Variants in GGT5 observed in about 807,000 individuals in gnomAD.
The protein encoded by GGT5 is glutathione hydrolase 5 proenzyme.
Under a neutral mutation model 58.1 loss-of-function variants are expected in GGT5, and 50 were observed. The ratio of observed to expected loss-of-function variants is 0.86; its 90% CI spans 0.69 to 1.09. The LOEUF is 1.09. Ranked by LOEUF, GGT5 falls within the 50% of genes least tolerant of loss-of-function variation. The pLI is 0.00. For synonymous variants in GGT5, 370 were observed against 346.1 expected, an observed-to-expected ratio of 1.07 and a Z score of -0.77; for missense variants, 800 against 789.4, an observed-to-expected ratio of 1.01 and a Z score of -0.16.
At chr22:24,240,602 G>A (rs1182701201) in intron 1 of GGT5, among the ~76,000 whole-genome samples, 2 of 151,350 alleles carry the variant, frequency 1.3e-5, no homozygotes, top group Middle Eastern at 3.4e-3. Context: ...GATTCTCCCC[G>A]CTCAGCCTCC....
Position 24,231,440 on chromosome 22 carries a change from G to A in GGT5, c.845C>T (p.Ser282Leu). 3.2e-6 allele frequency: 5 copies of A among 1,562,536 alleles called. No individual in the cohort carries two copies. In the South Asian group the frequency reaches 4.7e-5, roughly 15 times the overall value. ...GGCACCCCCTGCAGGCGGCGGTGGT[G>A]AGTACAGGGTATAGTCCCCCAGGGG... ...EVPLGDYTLYSPPPPAGGAIL... is the reference protein window; with the variant it reads ...EVPLGDYTLYLPPPPAGGAIL... The change falls in exon 6 of 12, where the codon TCA (serine) becomes TTA (leucine). Residue 282 changes from serine to leucine, a missense_variant. Transcript: ENST00000327365.
Position 24,233,983 on chromosome 22 carries a change from G to T in GGT5, c.195C>A (p.Gly65=), listed in dbSNP as rs1257775947. Reference sequence around the variant, plus strand: ...CCGCGATGGTGGCATCCACGGGTGAGCCCTGCTGCTGGAGGATGGCTCTAG... The same window carrying T: ...CCGCGATGGTGGCATCCACGGGTGATCCCTGCTGCTGGAGGATGGCTCTAG... The part of the protein sequence containing the change: ...DIGRAILQQQ[G]SPVDATIAAL... Residue 65 remains glycine (G), a synonymous_variant, in exon 2 of 12, where the codon GGC becomes GGA. Transcript: ENST00000327365. The T allele has an allele frequency of 6.2e-7, 1 of 1,612,124 alleles. No individual in the cohort carries two copies. The highest frequency in any genetic ancestry group is 8.5e-7 in the Non-Finnish European group (1 of 1,179,372).
intron 1 of GGT5, among the ~76,000 whole-genome samples, chr22:24,238,823 ATATATATATT>A (rs1225113573): frequency 3.6e-4 from 6 of 16,652 alleles, no homozygotes; most frequent in Non-Finnish European, 4.6e-4. Flanking sequence ...TTATATATAT[ATATATATATT>A]TATATATATA....
chr22:24,229,336 G>A (rs1339512207), intron 6 of GGT5, among the ~76,000 whole-genome samples: 3 of 152,062 alleles, frequency 2.0e-5, no homozygotes, highest in African/African-American at 7.2e-5. Context: ...GAACCCAGGA[G>A]GCAGAGTTTG....
At chr22:24,223,614 G>T (rs1261960383) in intron 11 of GGT5, among the ~76,000 whole-genome samples, 1 of 152,012 alleles carries the variant, frequency 6.6e-6, no homozygotes, top group African/African-American at 2.4e-5. Flanking sequence ...GAAAACTAAG[G>T]CTCTTGGGAC....
At chr22:24,230,836 A>G (rs958264171) in intron 6 of GGT5, among the ~76,000 whole-genome samples, 4 of 152,120 alleles carry the variant, frequency 2.6e-5, no homozygotes, top group African/African-American at 9.7e-5. Flanking sequence ...TGGAGCCCCC[A>G]ATGGAATGCA....
intron 4 of GGT5, 79 bp from the exon 5 acceptor site, chr22:24,232,287 T>G: frequency 1.3e-6 from 1 of 790,104 alleles, no homozygotes; most frequent in Non-Finnish European, 1.9e-6. Context: ...ATGGGTGGAG[T>G]CCTCAGGACC....
chr22:24,226,902 C>G, intron 6 of GGT5, 135 bp from the exon 7 acceptor site: 1 of 578,416 alleles, frequency 1.7e-6, no homozygotes. Context: ...TTATACAGCA[C>G]AAGAGTGACT....
Position 24,225,552 on chromosome 22 carries a change from A to AG in GGT5, c.1329dup (p.Ser444LeufsTer69). ...TGGGAAGCTTTGTTCTCACCAGGTG[A>AG]GGGGGTGGTGCCGGAACCCCGGGGG... On this transcript the variant is annotated frameshift_variant, in exon 9 of 12. Transcript: ENST00000327365. LOFTEE classifies it high-confidence loss of function. The AG allele has an allele frequency of 6.2e-7, 1 of 1,607,994 alleles. No individual in the cohort carries two copies. Among genetic ancestry groups the AG allele is most frequent in the Non-Finnish European group, 8.5e-7 (1 of 1,174,508 alleles).
intron 2 of GGT5, 92 bp downstream of exon 2, chr22:24,233,782 C>T (rs990288327): frequency 2.8e-5 from 37 of 1,298,710 alleles, no homozygotes; most frequent in Admixed American, 1.4e-4. Context: ...CACCCAGAAA[C>T]GGGCTTGAGT....
rs199786821 is a variant in GGT5 at position 24,233,911 on chromosome 22, G to C, written c.267C>G (p.Gly89=). The change falls in exon 2 of 12, where the codon GGC becomes GGG. Residue 89 remains glycine (G), a synonymous_variant. Coordinates refer to ENST00000327365, the MANE Select transcript of GGT5 (RefSeq NM_004121.5). The part of the protein sequence containing the change: ...SVVNPQSMGL[G]GGVIFTIYNV... ...TGTAGATGGTGAAGATGACCCCTCC[G>C]CCCAGGCCCATGCTCTGAGGGTTGA... The C allele has an allele frequency of 1.2e-6, 2 of 1,613,350 alleles. No individual in the cohort carries two copies. The highest frequency in any genetic ancestry group is 2.2e-5 in the East Asian group (1 of 44,864).
At chr22:24,237,824 A>G (rs764661634) in intron 1 of GGT5, among the ~76,000 whole-genome samples, 1 of 152,260 alleles carries the variant, frequency 6.6e-6, no homozygotes, top group East Asian at 1.9e-4. Context: ...AAAAAGGTCC[A>G]TAGGATCTCC....
Position 24,225,044 on chromosome 22 carries a change from C to G in GGT5, c.1566G>C (p.Leu522=). Residue 522 remains leucine, a synonymous_variant, in exon 11 of 12, where the codon CTG becomes CTC. Transcript: ENST00000327365. The part of the protein sequence containing the change: ...DLRAAIAAPI[L]HVNSKGCVEY... ...CCACACAGCCCTTGCTGTTGACATG[C>G]AGGATGGGGGCTGCAATGGCCGCTC... 6.2e-7 allele frequency: 1 copy of G among 1,602,086 alleles called. No homozygotes were observed. The highest frequency in any genetic ancestry group is 8.5e-7 in the Non-Finnish European group (1 of 1,174,298).
intron 1 of GGT5, among the ~76,000 whole-genome samples, chr22:24,239,505 T>G (rs1369908827): frequency 2.0e-5 from 3 of 152,110 alleles, no homozygotes; most frequent in Non-Finnish European, 4.4e-5. Context: ...ACTGAAATAA[T>G]GTAGGGTAGA....
Position 24,232,876 on chromosome 22 carries a change from G to C in GGT5, c.543C>G (p.Ser181Arg). Residue 181 changes from serine (S) to arginine (R), a missense_variant, in exon 4 of 12, where the codon AGC becomes AGG. By Grantham distance (110) the Ser-to-Arg change is moderately radical (BLOSUM62 -1). Coordinates refer to ENST00000327365, the MANE Select transcript of GGT5 (RefSeq NM_004121.5). Reference sequence around the variant, plus strand: ...GCAGGATGCTGTTGTGCAGGAAACGGCTGAGGACAGGGGCCACCACATGCC... The same window carrying C: ...GCAGGATGCTGTTGTGCAGGAAACGCCTGAGGACAGGGGCCACCACATGCC... Reference protein sequence around the residue: ...RGGHVVAPVLSRFLHNSILRP... With the variant: ...RGGHVVAPVLRRFLHNSILRP... The C allele has an allele frequency of 1.3e-6, 2 of 1,580,776 alleles. No homozygotes were observed. Among genetic ancestry groups the C allele is most frequent in the Non-Finnish European group, 1.7e-6 (2 of 1,162,198 alleles).
In GGT5 at chr22:24,219,846, C is replaced by T; in HGVS notation, c.*124G>A. On this transcript the variant is annotated 3_prime_UTR_variant, in exon 12 of 12. Coordinates refer to ENST00000327365, the MANE Select transcript of GGT5 (RefSeq NM_004121.5). ...CAGCTGGTCCCCGCCACCTCTTCCA[C>T]TCTCAGCTGGACTCCCCTGCCAGGG... 1.1e-6 allele frequency: 1 copy of T among 920,276 alleles called. No individual in the cohort carries two copies. 57.0% of individuals were successfully genotyped at this position (920,276 alleles called of 1,614,324 possible). A position where few individuals can be genotyped will look rare whatever the true frequency, so the allele number is the denominator to read the frequency against.
intron 11 of GGT5, 143 bp from the exon 12 acceptor site, chr22:24,220,259 A>C: frequency 1.4e-6 from 1 of 737,954 alleles, no homozygotes; most frequent in Non-Finnish European, 2.2e-6. Context: ...AGAGGGGAGG[A>C]CCAGATGGGA....
At chr22:24,231,066 A>G (rs1264886695) in intron 6 of GGT5, among the ~76,000 whole-genome samples, 1 of 151,714 alleles carries the variant, frequency 6.6e-6, no homozygotes, top group Non-Finnish European at 1.5e-5. Flanking sequence ...CACGCCCCTG[A>G]CAGGCAGCTC....
At chr22:24,230,591 GA>G (rs1323792876) in intron 6 of GGT5, among the ~76,000 whole-genome samples, 11 of 151,772 alleles carry the variant, frequency 7.2e-5, no homozygotes, top group Admixed American at 2.0e-4. Flanking sequence ...ATAATGCAAT[GA>G]AAAAAATAAA....
Sources: gnomAD v4.1 joint callset for allele counts (sites outside exome capture counted in the v4.1 genomes callset) on GRCh38, gnomAD v4.1.1 for gene constraint, MANE v1.5 for transcripts, NCBI Gene and HGNC (gene_info 2026-07-23, HGNC 2026-07-21) for gene names.